CDH13: variants seen among roughly 807,000 people sequenced by gnomAD.
CDH13 encodes cadherin-13.
CDH13 carries 24 observed loss-of-function variants against 63.8 expected under a neutral mutation model. The observed-to-expected ratio is 0.38, with a 90% CI of 0.27 to 0.53. CDH13 has a LOEUF of 0.53. Ranked by LOEUF, CDH13 falls within the 20% of genes least tolerant of loss-of-function variation. CDH13 has a pLI of 0.85. For missense variants in CDH13, 1,049 were observed against 903.1 expected (o/e 1.16, Z -2.07); for synonymous variants, 503 against 355.3 (o/e 1.42, Z -4.67).
intron 10 of CDH13, among the ~76,000 whole-genome samples, chr16:83,688,197 G>T (rs1334865516): frequency 6.6e-6 from 1 of 152,156 alleles, no homozygotes; most frequent in Non-Finnish European, 1.5e-5. Flanking sequence ...CACAAAAAAT[G>T]TTGGGAAATT....
intron 6 of CDH13, among the ~76,000 whole-genome samples, chr16:83,437,485 G>T (rs1320897159): frequency 7.9e-5 from 12 of 151,968 alleles, no homozygotes; most frequent in Admixed American, 2.6e-4. Context: ...AGACCATCCT[G>T]GCTAACACAG....
At chr16:82,761,512 C>T (rs1478309199) in intron 1 of CDH13, among the ~76,000 whole-genome samples, 1 of 152,212 alleles carries the variant, frequency 6.6e-6, no homozygotes, top group East Asian at 1.9e-4. Context: ...CAGAAGGCTA[C>T]TTCTCAATCA....
Position 82,732,433 on chromosome 16 carries a change from C to G in CDH13, c.45+105296C>G, listed in dbSNP as rs537320182. ...CCAGTAGTTGCTAAAAATCAATGCCCACTTTCTCCAGGTATAGTAATTATT... is the reference window on the plus strand; with the variant it reads ...CCAGTAGTTGCTAAAAATCAATGCCGACTTTCTCCAGGTATAGTAATTATT... On this transcript the variant is annotated intron_variant, in intron 1 of 13. Transcript: ENST00000567109. 3.3e-5 allele frequency among the ~76,000 whole-genome samples: 5 copies of G among 152,248 alleles called. No individual in the cohort carries two copies. The East Asian group carries it at 9.6e-4, about 29-fold the overall frequency.
intron 4 of CDH13, among the ~76,000 whole-genome samples, chr16:83,162,959 A>T (rs1478867872): frequency 6.6e-6 from 1 of 152,070 alleles, no homozygotes; most frequent in Non-Finnish European, 1.5e-5. Flanking sequence ...CGTAAATCTC[A>T]TCTTGAATTG....
At chr16:83,708,646 ACT>A (rs1314030534) in intron 10 of CDH13, among the ~76,000 whole-genome samples, 1 of 152,106 alleles carries the variant, frequency 6.6e-6, no homozygotes, top group Non-Finnish European at 1.5e-5. Context: ...AGTAAAAAGG[ACT>A]CTGCAGCTAT....
rs1391650488 is a variant in CDH13 at position 83,747,033 on chromosome 16, A to C, written c.1539-1075A>C. Among the ~76,000 whole-genome samples, 4 of 152,178 alleles carry C rather than the reference A, an allele frequency of 2.6e-5. No individual in the cohort carries two copies. In the East Asian group the frequency reaches 7.7e-4, roughly 29 times the overall value. On this transcript the variant is annotated intron_variant, in intron 10 of 13. Coordinates refer to ENST00000567109, the MANE Select transcript of CDH13 (RefSeq NM_001257.5). Reference sequence around the variant, plus strand: ...AACTCATTAACTTTTAGTTCCCTTAAAGAAACTGTTTCAAACACAACCCTC... The same window carrying C: ...AACTCATTAACTTTTAGTTCCCTTACAGAAACTGTTTCAAACACAACCCTC...
chr16:82,852,799 A>G (rs774884174), intron 1 of CDH13, among the ~76,000 whole-genome samples: 8 of 152,174 alleles, frequency 5.3e-5, no homozygotes, highest in Non-Finnish European at 1.0e-4. Context: ...TAACATGACA[A>G]TTTAACTTGA....
At chr16:82,727,161 A>G (rs1470053486) in intron 1 of CDH13, among the ~76,000 whole-genome samples, 3 of 152,156 alleles carry the variant, frequency 2.0e-5, no homozygotes. Flanking sequence ...TGACAGCAAC[A>G]GAGCAGCCGT....
chr16:83,083,279 T>C (rs1401676908), intron 3 of CDH13, among the ~76,000 whole-genome samples: 1 of 152,176 alleles, frequency 6.6e-6, no homozygotes, highest in African/African-American at 2.4e-5. Context: ...TCACTGTGTG[T>C]CCACCTGTTT....
At chr16:83,104,375 C>G (rs2034658856) in intron 3 of CDH13, among the ~76,000 whole-genome samples, 1 of 151,828 alleles carries the variant, frequency 6.6e-6, no homozygotes, top group African/African-American at 2.4e-5. Flanking sequence ...GAGGTTGGGG[C>G]TGAATGAAAA....
At chr16:83,125,614 G>A in intron 4 of CDH13, 113 bp downstream of exon 4, 1 of 598,642 alleles carries the variant, frequency 1.7e-6, no homozygotes, top group East Asian at 2.8e-5. Context: ...ATCTGTCTAT[G>A]ATAAGAGACC....
intron 1 of CDH13, among the ~76,000 whole-genome samples, chr16:82,700,876 C>G (rs903789171): frequency 7.0e-6 from 1 of 143,644 alleles, no homozygotes; most frequent in Non-Finnish European, 1.5e-5. Context: ...AATCTGATCT[C>G]TAAATCTACA....
chr16:82,929,277 T>C (rs938546317), intron 2 of CDH13, among the ~76,000 whole-genome samples: 2 of 152,032 alleles, frequency 1.3e-5, no homozygotes, highest in Non-Finnish European at 2.9e-5. Context: ...CATTAGGACT[T>C]TACTCTCAGG....
At chr16:82,929,663 A>C (rs2042418517) in intron 2 of CDH13, among the ~76,000 whole-genome samples, 1 of 73,274 alleles carries the variant, frequency 1.4e-5, no homozygotes, top group Non-Finnish European at 4.5e-5. Flanking sequence ...AAAAAAAAAA[A>C]AAAAAAAAAA....
chr16:82,842,360 G>C (rs144353276), intron 1 of CDH13, among the ~76,000 whole-genome samples: 1 of 151,734 alleles, frequency 6.6e-6, no homozygotes, highest in African/African-American at 2.4e-5. Flanking sequence ...GACTACAAAT[G>C]ATGGTAGTCC....
intron 1 of CDH13, among the ~76,000 whole-genome samples, chr16:82,734,512 G>C (rs2151041771): frequency 6.6e-6 from 1 of 152,306 alleles, no homozygotes; most frequent in East Asian, 1.9e-4. Context: ...CTGTAGGGGA[G>C]AGAGGGAGGA....
At chr16:82,963,614 A>C (rs1907363190) in intron 2 of CDH13, among the ~76,000 whole-genome samples, 1 of 152,038 alleles carries the variant, frequency 6.6e-6, no homozygotes, top group African/African-American at 2.4e-5. Flanking sequence ...ATTTACTTAA[A>C]CCTGACTTCC....
chr16:83,764,758 C>T (rs1054738936), intron 11 of CDH13, among the ~76,000 whole-genome samples: 7 of 142,472 alleles, frequency 4.9e-5, no homozygotes, highest in African/African-American at 1.6e-4. Context: ...GCCCTTGCCA[C>T]GGCTGCTCAG....
chr16:83,611,262 A>G (rs556157019), intron 8 of CDH13, among the ~76,000 whole-genome samples: 2 of 152,064 alleles, frequency 1.3e-5, no homozygotes, highest in African/African-American at 4.8e-5. Flanking sequence ...GAATGAAGGT[A>G]GAGTCCCAAT....
Sources: gnomAD v4.1 joint callset for allele counts (sites outside exome capture counted in the v4.1 genomes callset) on GRCh38, gnomAD v4.1.1 for gene constraint, MANE v1.5 for transcripts, NCBI Gene and HGNC (gene_info 2026-07-23, HGNC 2026-07-21) for gene names.